Variants in ARFGEF2 observed in about 807,000 individuals in gnomAD.
The protein encoded by ARFGEF2 is brefeldin A-inhibited guanine nucleotide-exchange protein 2.
In ARFGEF2, 74 loss-of-function variants were observed where a neutral mutation model predicts 219.9. The ratio of observed to expected loss-of-function variants is 0.34; its 90% CI spans 0.28 to 0.41. The LOEUF is 0.41. Ranked by LOEUF, ARFGEF2 falls within the 10% of genes least tolerant of loss-of-function variation. ARFGEF2 has a pLI of 1.00. For synonymous variants in ARFGEF2, 733 were observed against 799.2 expected, an observed-to-expected ratio of 0.92 and a Z score of 1.40; for missense variants, 1,743 against 2,218.3, an observed-to-expected ratio of 0.79 and a Z score of 4.30.
chr20:49,012,136 G>A lies in ARFGEF2; in HGVS notation c.3918+52G>A, dbSNP rs371925200. On this transcript the variant is annotated intron_variant, in intron 28 of 38. Transcript: ENST00000371917. ...TGGGCAGTGAAGGGAAAAGGTCATG[G>A]AGCAGAAATTCTTGCTCCTAACAAA... The A allele has an allele frequency of 8.7e-5, 140 of 1,612,032 alleles. 1 individual carries two copies. The highest frequency in any genetic ancestry group is 8.1e-4 in the South Asian group (74 of 90,884).
intron 3 of ARFGEF2, among the ~76,000 whole-genome samples, chr20:48,949,489 C>T (rs1216943603): frequency 6.6e-6 from 1 of 152,144 alleles, no homozygotes. Flanking sequence ...CTGGACTTGC[C>T]CTTCACAGGC....
At chr20:48,983,098 A>G (rs1300415850) in intron 14 of ARFGEF2, among the ~76,000 whole-genome samples, 2 of 152,206 alleles carry the variant, frequency 1.3e-5, no homozygotes, top group Non-Finnish European at 2.9e-5. Context: ...GGAGCTGCAG[A>G]CCGGAGCTGT....
intron 21 of ARFGEF2, among the ~76,000 whole-genome samples, chr20:48,993,063 T>C (rs1035365626): frequency 1.3e-5 from 2 of 152,074 alleles, no homozygotes; most frequent in African/African-American, 4.8e-5. Flanking sequence ...AATAAAAAAA[T>C]ATATATTTTG....
At chr20:48,992,193 A>AG (rs1159429671) in intron 21 of ARFGEF2, among the ~76,000 whole-genome samples, 2 of 152,248 alleles carry the variant, frequency 1.3e-5, no homozygotes, top group East Asian at 3.8e-4. Context: ...AGAGATTGTG[A>AG]GGCATTGTCT....
intron 14 of ARFGEF2, among the ~76,000 whole-genome samples, chr20:48,977,605 C>T (rs980599532): frequency 1.1e-4 from 16 of 152,144 alleles, no homozygotes; most frequent in Non-Finnish European, 1.9e-4. Flanking sequence ...AGTGTAAAAG[C>T]GTTCCTATTT....
At position 49,028,615 on chromosome 20, in the gene ARFGEF2, T is replaced by C; in HGVS notation, c.5010T>C (p.Tyr1670=). The change falls in exon 37 of 39, where the codon TAT becomes TAC. Residue 1670 remains tyrosine (Y), a synonymous_variant. Coordinates refer to ENST00000371917, the MANE Select transcript of ARFGEF2 (RefSeq NM_006420.3). ...ACCLRILFRM[Y]VDENRRDSWE... ...GTTTGAGGATCCTGTTTCGAATGTA[T>C]GTTGATGAGAACCGCAGGGATTCCT... The C allele has an allele frequency of 1.2e-6, 2 of 1,614,168 alleles. No homozygotes were observed. Among genetic ancestry groups the C allele is most frequent in the Non-Finnish European group, 1.7e-6 (2 of 1,180,014 alleles).
At chr20:49,021,945 T>G (rs536616433) in intron 34 of ARFGEF2, among the ~76,000 whole-genome samples, 12 of 150,512 alleles carry the variant, frequency 8.0e-5, no homozygotes, top group African/African-American at 2.9e-4. Flanking sequence ...GTCAGGAGTT[T>G]GAGACCAGCC....
intron 3 of ARFGEF2, 128 bp from the exon 4 acceptor site, chr20:48,951,195 C>A: frequency 8.7e-7 from 1 of 1,153,842 alleles, no homozygotes; most frequent in Non-Finnish European, 1.3e-6. Context: ...TTATGCCTGC[C>A]TGGCTCCTGG....
At chr20:48,979,881 A>C (rs2091284406) in intron 14 of ARFGEF2, among the ~76,000 whole-genome samples, 1 of 151,364 alleles carries the variant, frequency 6.6e-6, no homozygotes, top group African/African-American at 2.4e-5. Context: ...CTTCTTTATT[A>C]GTCTTGCTAG....
rs2091594538 is a variant in ARFGEF2 at position 49,025,259 on chromosome 20, C to G, written c.4756-54C>G. ...CTGCCGTTGTCTGCAATCACAATGC[C>G]CAGAGCATTCCATCTTCTTCATTAG... On this transcript the variant is annotated intron_variant, in intron 35 of 38. Coordinates refer to ENST00000371917, the MANE Select transcript of ARFGEF2 (RefSeq NM_006420.3). The G allele has an allele frequency of 2.6e-6, 4 of 1,563,038 alleles. No individual in the cohort carries two copies. The East Asian group carries it at 7.0e-5, about 27-fold the overall frequency.
intron 14 of ARFGEF2, among the ~76,000 whole-genome samples, chr20:48,984,074 T>C (rs1259144535): frequency 2.0e-5 from 3 of 149,912 alleles, no homozygotes; most frequent in Non-Finnish European, 4.5e-5. Flanking sequence ...AAGAAAAAAA[T>C]AAATACAAAA....
chr20:48,922,921 TAAG>T lies in ARFGEF2; in HGVS notation c.121+914_121+916del, dbSNP rs147999977. On this transcript the variant is annotated intron_variant, in intron 1 of 38. Coordinates refer to ENST00000371917, the MANE Select transcript of ARFGEF2 (RefSeq NM_006420.3). ...GAATAGAGGAGACAAAATAATTAAT[TAAG>T]AAAATAGGTGAGGTATTTTGGAATA... Among the ~76,000 whole-genome samples the T allele has an allele frequency of 7.0e-3, 1,064 of 152,102 alleles. 14 individuals are homozygous for T. Among genetic ancestry groups the T allele is most frequent in the African/African-American group, 0.023 (974 of 41,550 alleles).
intron 34 of ARFGEF2, among the ~76,000 whole-genome samples, chr20:49,019,757 G>A (rs893697824): frequency 2.0e-5 from 3 of 152,070 alleles, no homozygotes; most frequent in African/African-American, 4.8e-5. Flanking sequence ...ATAGTTTTTC[G>A]TATGTTAAAG....
intron 28 of ARFGEF2, among the ~76,000 whole-genome samples, chr20:49,012,378 C>T (rs968996433): frequency 4.6e-5 from 7 of 152,158 alleles, no homozygotes; most frequent in African/African-American, 1.2e-4. Flanking sequence ...AGAAGCTAGA[C>T]GTTTCTATTT....
chr20:49,004,795 AAATAAT>A (rs774678562), intron 25 of ARFGEF2, among the ~76,000 whole-genome samples: 1 of 152,114 alleles, frequency 6.6e-6, no homozygotes, highest in South Asian at 2.1e-4. Flanking sequence ...CCATCTTAGA[AAATAAT>A]AATAATAATA....
intron 29 of ARFGEF2, 47 bp downstream of exon 29, chr20:49,013,741 CTCAG>C (rs2091514656): frequency 6.2e-7 from 1 of 1,613,886 alleles, no homozygotes; most frequent in Non-Finnish European, 8.5e-7. Flanking sequence ...TGAAATGAAC[CTCAG>C]TCACTTGCTC....
intron 35 of ARFGEF2, among the ~76,000 whole-genome samples, chr20:49,024,020 G>A (rs1047083714): frequency 1.3e-5 from 2 of 152,126 alleles, no homozygotes; most frequent in African/African-American, 4.8e-5. Context: ...CTGGAGTGCA[G>A]TGGTGCAATC....
In ARFGEF2 at chr20:48,994,462, C is replaced by A; in HGVS notation, c.2985C>A (p.Cys995Ter). Residue 995 changes from cysteine to a stop codon, truncating the protein, a stop_gained, in exon 22 of 39, where the codon TGC becomes TGA. Transcript: ENST00000371917. LOFTEE classifies it high-confidence loss of function. ...CTTCTTTCTCTTAGATCTTGAAATG[C>A]ATCAGCCAGCTGGAGCTCGCTCAGC... Reference protein sequence around the residue: ...LGNSWHEILKCISQLELAQLI... With the variant: ...LGNSWHEILK 1 of 1,614,034 alleles carries A rather than the reference C, an allele frequency of 6.2e-7. No individual in the cohort carries two copies. Among genetic ancestry groups the A allele is most frequent in the Non-Finnish European group, 8.5e-7 (1 of 1,180,012 alleles).
chr20:48,971,106 A>G lies in ARFGEF2; in HGVS notation c.1191-14A>G, dbSNP rs2091224366. Reference sequence around the variant, plus strand: ...TCTTTTAGCACTGTTGTGGTTTTTCATTTTCTTTGCCAGATCCCATGAGCT... The same window carrying G: ...TCTTTTAGCACTGTTGTGGTTTTTCGTTTTCTTTGCCAGATCCCATGAGCT... On this transcript the variant is annotated splice_polypyrimidine_tract_variant and intron_variant, in intron 9 of 38. Transcript: ENST00000371917. 1 of 1,612,702 alleles carries G rather than the reference A, an allele frequency of 6.2e-7. No individual in the cohort carries two copies. Among genetic ancestry groups the G allele is most frequent in the South Asian group, 1.1e-5 (1 of 91,028 alleles).
Sources: gnomAD v4.1 joint callset for allele counts (sites outside exome capture counted in the v4.1 genomes callset) on GRCh38, gnomAD v4.1.1 for gene constraint, MANE v1.5 for transcripts, NCBI Gene and HGNC (gene_info 2026-07-23, HGNC 2026-07-21) for gene names.